The following TMEM117 variants were observed in gnomAD, a reference collection of about 807,000 sequenced individuals.
The protein encoded by TMEM117 is transmembrane protein 117.
TMEM117 carries 27 observed loss-of-function variants against 52.4 expected under a neutral mutation model. The ratio of observed to expected loss-of-function variants is 0.51; its 90% CI spans 0.38 to 0.71. The LOEUF (loss-of-function observed/expected upper bound fraction) is 0.71. TMEM117 is among the 30% of genes least tolerant of loss of function. The probability of loss-of-function intolerance (pLI) is 0.00; values close to 1 mark genes in which losing one functional copy is unlikely to be tolerated. For synonymous variants in TMEM117, 215 were observed against 206.3 expected (o/e 1.04, Z -0.36); for missense variants, 556 against 630.5 (o/e 0.88, Z 1.26).
chr12:43,973,228 G>C (rs920888160), intron 3 of TMEM117, among the ~76,000 whole-genome samples: 1 of 152,068 alleles, frequency 6.6e-6, no homozygotes, highest in African/African-American at 2.4e-5. Flanking sequence ...AGGAGTCCCA[G>C]GCTACCAGAA....
chr12:43,948,627 G>A (rs1318513869), intron 3 of TMEM117, among the ~76,000 whole-genome samples: 1 of 152,114 alleles, frequency 6.6e-6, no homozygotes, highest in African/African-American at 2.4e-5. Flanking sequence ...TTTTATAAAT[G>A]TTGAGGGTTC....
At chr12:43,813,231 G>GTTTTTTTTGTTTTTTTTTTTTT in the TMEM117 span, among the ~76,000 whole-genome samples, 1 of 62,618 alleles carries the variant, frequency 1.6e-5, no homozygotes, top group Non-Finnish European at 3.2e-5. Context: ...GTTTTCTCTT[G>GTTTTTTTTGTTTTTTTTTTTTT]TTTTTTTTTT....
chr12:43,836,386 T>C (rs1165407745), intron 1 of TMEM117, among the ~76,000 whole-genome samples, 190 bp downstream of exon 1: 1 of 152,056 alleles, frequency 6.6e-6, no homozygotes, highest in East Asian at 1.9e-4. Context: ...TTCCTGGGGA[T>C]GGCAGCCAAA....
chr12:43,871,098 T>G (rs1258236189), intron 2 of TMEM117, among the ~76,000 whole-genome samples: 1 of 150,746 alleles, frequency 6.6e-6, no homozygotes, highest in Non-Finnish European at 1.5e-5. Flanking sequence ...TTTTTGTTTT[T>G]TTTTTTTTGT....
At chr12:44,076,373 T>C (rs1046706363) in intron 3 of TMEM117, among the ~76,000 whole-genome samples, 9 of 152,288 alleles carry the variant, frequency 5.9e-5, no homozygotes, top group Non-Finnish European at 1.2e-4. Flanking sequence ...CAATGACATA[T>C]ATAGCAACAT....
At chr12:44,184,135 C>G (rs918799527) in intron 4 of TMEM117, among the ~76,000 whole-genome samples, 1 of 152,058 alleles carries the variant, frequency 6.6e-6, no homozygotes, top group African/African-American at 2.4e-5. Context: ...CACTTGAGGT[C>G]AGGAGTTTGA....
intron 3 of TMEM117, among the ~76,000 whole-genome samples, chr12:44,091,462 T>C (rs940061353): frequency 7.9e-5 from 12 of 152,208 alleles, no homozygotes; most frequent in African/African-American, 2.7e-4. Context: ...ATAGAAAGCC[T>C]GTTGAGTTTT....
intron 5 of TMEM117, chr12:44,263,777 G>A (rs1950347396): frequency 6.6e-6 from 1 of 152,224 alleles, no homozygotes; most frequent in East Asian, 1.9e-4. Context: ...TTGTCATTAT[G>A]CCTCTCATAA....
chr12:44,122,168 C>A (rs910930105), intron 3 of TMEM117, among the ~76,000 whole-genome samples: 9 of 151,930 alleles, frequency 5.9e-5, no homozygotes, highest in African/African-American at 2.2e-4. Flanking sequence ...CCTCAGCCTC[C>A]CGAGTAGCTG....
chr12:43,930,211 A>G (rs978726904), intron 2 of TMEM117, among the ~76,000 whole-genome samples: 1 of 152,120 alleles, frequency 6.6e-6, no homozygotes, highest in Admixed American at 6.6e-5. Context: ...ACTCAGCATC[A>G]TGAGACTAAA....
At chr12:44,190,716 A>G (rs1949340161) in intron 4 of TMEM117, among the ~76,000 whole-genome samples, 1 of 151,956 alleles carries the variant, frequency 6.6e-6, no homozygotes, top group Non-Finnish European at 1.5e-5. Context: ...TTCTGGCACA[A>G]CCATATCTGA....
intron 2 of TMEM117, among the ~76,000 whole-genome samples, chr12:43,943,033 C>G (rs1945070050): frequency 6.6e-6 from 1 of 151,774 alleles, no homozygotes; most frequent in Non-Finnish European, 1.5e-5. Context: ...AAAAAATTAG[C>G]CAGGCATGGT....
intron 2 of TMEM117, among the ~76,000 whole-genome samples, chr12:43,877,916 C>CA (rs1369630890): frequency 6.6e-6 from 1 of 150,848 alleles, no homozygotes; most frequent in Non-Finnish European, 1.5e-5. Context: ...CACACACACA[C>CA]ACACACACAC....
At chr12:44,261,092 T>C (rs1950315710) in intron 5 of TMEM117, among the ~76,000 whole-genome samples, 1 of 152,124 alleles carries the variant, frequency 6.6e-6, no homozygotes, top group Admixed American at 6.6e-5. Context: ...TTAATGCGTA[T>C]TGGATCTTTG....
intron 3 of TMEM117, among the ~76,000 whole-genome samples, chr12:44,040,853 GATT>G (rs1370284943): frequency 2.0e-5 from 3 of 152,136 alleles, no homozygotes; most frequent in Non-Finnish European, 4.4e-5. Context: ...TTCATAGCAT[GATT>G]ATTCTCTATT....
At chr12:44,140,116 T>A (rs1948550488) in intron 3 of TMEM117, among the ~76,000 whole-genome samples, 1 of 152,198 alleles carries the variant, frequency 6.6e-6, no homozygotes, top group African/African-American at 2.4e-5. Context: ...TCTGCATTGT[T>A]ATAGCATCTA....
chr12:43,954,892 T>A (rs986717213), intron 3 of TMEM117, among the ~76,000 whole-genome samples: 2 of 152,176 alleles, frequency 1.3e-5, no homozygotes, highest in Non-Finnish European at 2.9e-5. Context: ...AATAAAATAT[T>A]GGCAGCAGAC....
intron 5 of TMEM117, among the ~76,000 whole-genome samples, chr12:44,262,721 G>C (rs1054937890): frequency 6.6e-6 from 1 of 152,112 alleles, no homozygotes; most frequent in Non-Finnish European, 1.5e-5. Flanking sequence ...TGAGTAGCTG[G>C]GATTACAGGT....
chr12:43,918,463 A>C (rs1944641137), intron 2 of TMEM117, among the ~76,000 whole-genome samples: 2 of 152,222 alleles, frequency 1.3e-5, no homozygotes, highest in Admixed American at 1.3e-4. Context: ...GTCTCACCTG[A>C]GAATCACCGC....
Sources: allele counts gnomAD v4.1 joint callset (sites outside exome capture counted in the v4.1 genomes callset), GRCh38; gene constraint gnomAD v4.1.1; transcripts MANE v1.5; gene names NCBI Gene and HGNC (gene_info 2026-07-23, HGNC 2026-07-21).